LSM6: variants seen among roughly 807,000 people sequenced by gnomAD.
LSM6 encodes the protein LSM6 homolog, U6 small nuclear RNA and mRNA degradation associated.
In LSM6, 2 loss-of-function variants were observed where a neutral mutation model predicts 13.5. The ratio of observed to expected loss-of-function variants is 0.15; its 90% CI spans 0.06 to 0.47. LSM6 has a LOEUF of 0.47. Among genes scored for constraint, LSM6 ranks in the 20% least tolerant of loss-of-function variants. The pLI is 0.97. For synonymous variants in LSM6, 43 were observed against 34.9 expected, an observed-to-expected ratio of 1.23 and a Z score of -0.82; for missense variants, 58 against 96.4, an observed-to-expected ratio of 0.60 and a Z score of 1.67.
intron 1 of LSM6, among the ~76,000 whole-genome samples, chr4:146,182,442 C>T (rs1730251888): frequency 6.6e-6 from 1 of 152,192 alleles, no homozygotes; most frequent in Non-Finnish European, 1.5e-5. Flanking sequence ...CTTTACTTTT[C>T]ATCAGCAAAA....
rs184320242 is a variant in LSM6, at chr4:146,189,993, G to T, written c.*337G>T. ...CTTGCTTTTCTTATCCAGCTAAAAT[G>T]ATGCATATATTTTATATATTGTATG... On this transcript the variant is annotated 3_prime_UTR_variant, in exon 4 of 4. Transcript: ENST00000296581. 4.4e-5 allele frequency: 10 copies of T among 228,588 alleles called. No individual in the cohort carries two copies. The highest frequency in any genetic ancestry group is 1.9e-4 in the African/African-American group (8 of 43,126). 14.2% of individuals were successfully genotyped at this position (228,588 alleles called of 1,614,324 possible).
chr4:146,179,378 A>T (rs991845252), intron 1 of LSM6, among the ~76,000 whole-genome samples: 45 of 152,234 alleles, frequency 3.0e-4, no homozygotes, highest in African/African-American at 8.9e-4. Flanking sequence ...TGATGGGAAA[A>T]ATTGTGGTGT....
At chr4:146,185,320 C>A (rs984949130) in intron 2 of LSM6, among the ~76,000 whole-genome samples, 1 of 151,914 alleles carries the variant, frequency 6.6e-6, no homozygotes, top group African/African-American at 2.4e-5. Context: ...CATATATTTT[C>A]TTTGTTTACT....
intron 3 of LSM6, 89 bp from the exon 4 acceptor site, chr4:146,189,533 C>G: frequency 1.3e-6 from 1 of 791,678 alleles, no homozygotes; most frequent in Non-Finnish European, 2.1e-6. Context: ...ATGTATCAGA[C>G]CAAAATCTGT....
intron 2 of LSM6, among the ~76,000 whole-genome samples, chr4:146,184,578 C>T (rs922829499): frequency 2.0e-5 from 3 of 152,072 alleles, no homozygotes; most frequent in Admixed American, 1.3e-4. Context: ...CTGCCTCTCA[C>T]CTGCGAACTT....
chr4:146,176,867 T>G (rs1192017730), intron 1 of LSM6, among the ~76,000 whole-genome samples: 2 of 152,180 alleles, frequency 1.3e-5, no homozygotes, highest in Non-Finnish European at 2.9e-5. Context: ...TTGGACTAGA[T>G]TCTCAGAAGT....
In LSM6 at chr4:146,187,314, G is replaced by C; in HGVS notation, c.135G>C (p.Leu45=). ...TGGATGGCTACATGAATATAGCCCT[G>C]GAGCAGACAGAAGAATATGTAAATG... is the stretch of plus-strand genomic sequence containing the variant. The part of the protein sequence containing the change: ...ACLDGYMNIA[L]EQTEEYVNGQ... The change falls in exon 3 of 4, where the codon CTG becomes CTC. Residue 45 remains leucine (L), a synonymous_variant. Coordinates refer to ENST00000296581, the MANE Select transcript of LSM6 (RefSeq NM_007080.3). The C allele has an allele frequency of 6.2e-7, 1 of 1,613,644 alleles. No homozygotes were observed. Among genetic ancestry groups the C allele is most frequent in the Non-Finnish European group, 8.5e-7 (1 of 1,179,648 alleles).
At chr4:146,182,213 G>A (rs1353030560) in intron 1 of LSM6, among the ~76,000 whole-genome samples, 1 of 152,152 alleles carries the variant, frequency 6.6e-6, no homozygotes, top group East Asian at 1.9e-4. Flanking sequence ...TTAGGGTAGA[G>A]CAATTTAAAT....
In LSM6 at chr4:146,188,138, A is replaced by G. The variant is rs537853259; in HGVS notation, c.208+751A>G. Among the ~76,000 whole-genome samples, 10 of 152,314 alleles carry G rather than the reference A, an allele frequency of 6.6e-5. No individual in the cohort carries two copies. In the South Asian group the frequency reaches 1.2e-3, roughly 19 times the overall value. On this transcript the variant is annotated intron_variant, in intron 3 of 3. Coordinates refer to ENST00000296581, the MANE Select transcript of LSM6 (RefSeq NM_007080.3). ...TAAACTAAACTTCCTGACTTTTATA[A>G]TAAGAGTCTGTCCCCTATGCTTACA... is the stretch of plus-strand genomic sequence containing the variant.
chr4:146,182,359 A>G (rs897703896), intron 1 of LSM6, among the ~76,000 whole-genome samples: 19 of 152,214 alleles, frequency 1.2e-4, no homozygotes, highest in African/African-American at 4.6e-4. Context: ...TATAATACGG[A>G]CTTTAAAATA....
At chr4:146,188,685 C>A (rs888779748) in intron 3 of LSM6, among the ~76,000 whole-genome samples, 25 of 152,146 alleles carry the variant, frequency 1.6e-4, no homozygotes, top group African/African-American at 5.8e-4. Context: ...CATTTTGTTT[C>A]ATTCCTACGG....
intron 2 of LSM6, among the ~76,000 whole-genome samples, chr4:146,185,530 A>G (rs962405239): frequency 1.3e-5 from 2 of 151,254 alleles, no homozygotes; most frequent in African/African-American, 4.9e-5. Context: ...AAAAAGAAAA[A>G]CTCCAGCAAC....
Position 146,190,106 on chromosome 4 carries a change from A to G in LSM6, c.*450A>G, listed in dbSNP as rs151138423. On this transcript the variant is annotated 3_prime_UTR_variant, in exon 4 of 4. Coordinates refer to ENST00000296581, the MANE Select transcript of LSM6 (RefSeq NM_007080.3). ...AATCCTTGCGTGAATATGTTCTACA[A>G]AGGCATCCAGTTTCAGTCTGAAGCT... The G allele has an allele frequency of 9.6e-3, 1,476 of 154,064 alleles. 15 individuals are homozygous for G. Among genetic ancestry groups the G allele is most frequent in the Non-Finnish European group, 0.015 (1,010 of 69,342 alleles). 9.5% of individuals were successfully genotyped at this position (154,064 alleles called of 1,614,324 possible). A position where few individuals can be genotyped will look rare whatever the true frequency, so the allele number is the denominator to read the frequency against.
intron 1 of LSM6, among the ~76,000 whole-genome samples, chr4:146,178,604 A>G (rs1235627592): frequency 6.6e-6 from 1 of 152,200 alleles, no homozygotes; most frequent in Non-Finnish European, 1.5e-5. Context: ...CTAAACTGTA[A>G]ATACGCCAGG....
chr4:146,182,352 A>G (rs1382059168), intron 1 of LSM6, among the ~76,000 whole-genome samples: 1 of 152,246 alleles, frequency 6.6e-6, no homozygotes, highest in Non-Finnish European at 1.5e-5. Flanking sequence ...TGTTCTATAT[A>G]ATACGGACTT....
At chr4:146,177,027 GGTGTGT>G (rs35898655) in intron 1 of LSM6, among the ~76,000 whole-genome samples, 14 of 150,356 alleles carry the variant, frequency 9.3e-5, no homozygotes, top group South Asian at 4.2e-4. Context: ...TTGTGTTTGT[GGTGTGT>G]GTGTGTGTGT....
intron 3 of LSM6, 58 bp from the exon 4 acceptor site, chr4:146,189,564 A>G (rs1231231382): frequency 1.3e-5 from 14 of 1,096,300 alleles, no homozygotes; most frequent in Non-Finnish European, 1.9e-5. Flanking sequence ...ACTTGCTACT[A>G]TGTATACTTA....
intron 3 of LSM6, among the ~76,000 whole-genome samples, chr4:146,188,570 A>G (rs1487863552): frequency 6.6e-6 from 1 of 152,226 alleles, no homozygotes; most frequent in Non-Finnish European, 1.5e-5. Context: ...TTCTTTGATG[A>G]AGACACCTTA....
At chr4:146,180,546 CT>C (rs1160748494) in intron 1 of LSM6, among the ~76,000 whole-genome samples, 2 of 152,126 alleles carry the variant, frequency 1.3e-5, no homozygotes, top group Non-Finnish European at 2.9e-5. Flanking sequence ...GATTTGCATT[CT>C]TTTTTCTGAC....
Sources: gnomAD v4.1 joint callset for allele counts (sites outside exome capture counted in the v4.1 genomes callset) on GRCh38, gnomAD v4.1.1 for gene constraint, MANE v1.5 for transcripts, NCBI Gene and HGNC (gene_info 2026-07-23, HGNC 2026-07-21) for gene names.